HPSE2: variants seen among roughly 807,000 people sequenced by gnomAD.
HPSE2 encodes the protein inactive heparanase-2.
HPSE2 carries 38 observed loss-of-function variants against 60.5 expected under a neutral mutation model. That is an observed-to-expected ratio of 0.63 (90% confidence interval 0.48 to 0.82). The LOEUF (loss-of-function observed/expected upper bound fraction) is 0.82, where lower values mean the gene tolerates loss of function less well. Among genes scored for constraint, HPSE2 ranks in the 40% least tolerant of loss-of-function variants. The pLI, the probability that HPSE2 is intolerant of heterozygous loss-of-function variation, is 0.00. For missense variants in HPSE2, 713 were observed against 740.4 expected, an observed-to-expected ratio of 0.96 and a Z score of 0.43; for synonymous variants, 295 against 293.2, an observed-to-expected ratio of 1.01 and a Z score of -0.06.
intron 5 of HPSE2, among the ~76,000 whole-genome samples, chr10:98,698,278 A>G (rs1296387312): frequency 2.8e-5 from 2 of 71,406 alleles, no homozygotes; most frequent in Non-Finnish European, 7.8e-5. Context: ...ATCAGAAATT[A>G]TAACAAACTG....
At chr10:98,716,099 G>C (rs768169651) in intron 5 of HPSE2, among the ~76,000 whole-genome samples, 1 of 152,014 alleles carries the variant, frequency 6.6e-6, no homozygotes, top group Non-Finnish European at 1.5e-5. Context: ...TTCATCAGGA[G>C]TAGATTCCAT....
intron 9 of HPSE2, among the ~76,000 whole-genome samples, chr10:98,537,331 T>C (rs531907686): frequency 1.3e-5 from 2 of 152,262 alleles, no homozygotes; most frequent in South Asian, 2.1e-4. Flanking sequence ...TCAAGACATA[T>C]GTATTTGTGA....
chr10:99,059,383 T>C (rs1252038602), intron 3 of HPSE2, among the ~76,000 whole-genome samples: 1 of 152,228 alleles, frequency 6.6e-6, no homozygotes, highest in Non-Finnish European at 1.5e-5. Flanking sequence ...AATATATATC[T>C]GAAATAAATT....
At chr10:98,490,849 T>C (rs956185392) in intron 9 of HPSE2, among the ~76,000 whole-genome samples, 1 of 152,252 alleles carries the variant, frequency 6.6e-6, no homozygotes, top group Admixed American at 6.5e-5. Context: ...GCTTTAATCA[T>C]TCCATGTGTA....
At chr10:98,819,903 G>A (rs951482448) in intron 3 of HPSE2, among the ~76,000 whole-genome samples, 1 of 152,100 alleles carries the variant, frequency 6.6e-6, no homozygotes, top group Admixed American at 6.6e-5. Context: ...TCATGGACAT[G>A]GATGGAGATT....
chr10:98,878,058 G>T (rs972965962), intron 3 of HPSE2, among the ~76,000 whole-genome samples: 8 of 151,818 alleles, frequency 5.3e-5, no homozygotes, highest in South Asian at 2.1e-4. Flanking sequence ...TTCCAGCTGA[G>T]ATAGAATTAC....
At chr10:98,536,171 T>C (rs1943277448) in intron 9 of HPSE2, among the ~76,000 whole-genome samples, 1 of 152,188 alleles carries the variant, frequency 6.6e-6, no homozygotes, top group Non-Finnish European at 1.5e-5. Context: ...TTTATACCCA[T>C]CAACCTCAGC....
chr10:98,804,776 G>T (rs1260873063), intron 3 of HPSE2, among the ~76,000 whole-genome samples: 2 of 152,144 alleles, frequency 1.3e-5, no homozygotes, highest in Non-Finnish European at 2.9e-5. Context: ...CAATCCCATT[G>T]CTGGGTATAT....
At chr10:99,101,528 A>G (rs562068381) in intron 3 of HPSE2, among the ~76,000 whole-genome samples, 1 of 152,344 alleles carries the variant, frequency 6.6e-6, no homozygotes, top group East Asian at 1.9e-4. Context: ...AGACTCCCAC[A>G]CAATAATAAT....
intron 3 of HPSE2, among the ~76,000 whole-genome samples, chr10:99,026,675 T>C (rs1232494124): frequency 6.6e-6 from 1 of 152,164 alleles, no homozygotes; most frequent in African/African-American, 2.4e-5. Context: ...TACGCATTAT[T>C]TTCCTCAGCA....
the HPSE2 span, among the ~76,000 whole-genome samples, chr10:99,304,759 G>C: frequency 6.6e-6 from 1 of 152,220 alleles, no homozygotes; most frequent in Non-Finnish European, 1.5e-5. Flanking sequence ...TTGGCTAGTG[G>C]CTGAGATCTG....
At chr10:99,223,764 G>C (rs1422772916) in intron 2 of HPSE2, among the ~76,000 whole-genome samples, 3 of 152,014 alleles carry the variant, frequency 2.0e-5, no homozygotes, top group African/African-American at 7.2e-5. Flanking sequence ...AAGTCAGTCT[G>C]GGTACTTGGA....
At chr10:98,473,484 CAAAAAAA>C (rs752065277) in intron 11 of HPSE2, among the ~76,000 whole-genome samples, 659 of 44,290 alleles carry the variant, frequency 0.015, 8 homozygotes, top group African/African-American at 0.069. Context: ...GACTCTGTCT[CAAAAAAA>C]AAAAAAAAAA....
At chr10:99,097,225 GACAGTTC>G (rs199880176) in intron 3 of HPSE2, among the ~76,000 whole-genome samples, 2,003 of 152,260 alleles carry the variant, frequency 0.013, 18 homozygotes, top group Non-Finnish European at 0.022. Context: ...AGGGGACAGA[GACAGTTC>G]ACTGCCCTTA....
chr10:98,477,509 A>G (rs1017413327), intron 11 of HPSE2, among the ~76,000 whole-genome samples: 4 of 152,214 alleles, frequency 2.6e-5, no homozygotes, highest in Non-Finnish European at 5.9e-5. Context: ...AATGTGATGA[A>G]AGTTGCTTCC....
the HPSE2 span, among the ~76,000 whole-genome samples, chr10:99,300,553 C>T: frequency 6.6e-6 from 1 of 152,250 alleles, no homozygotes; most frequent in East Asian, 1.9e-4. Context: ...CCCACAGGTT[C>T]TTCCTCATGC....
chr10:99,074,202 T>C (rs1038030319), intron 3 of HPSE2, among the ~76,000 whole-genome samples: 1 of 152,176 alleles, frequency 6.6e-6, no homozygotes, highest in African/African-American at 2.4e-5. Context: ...TTTTCATATA[T>C]GGCCATTATG....
intron 9 of HPSE2, among the ~76,000 whole-genome samples, chr10:98,600,926 T>TATATA (rs1945402144): frequency 1.9e-5 from 2 of 107,900 alleles, no homozygotes; most frequent in South Asian, 3.2e-4. Context: ...TATATATATA[T>TATATA]ATATATATAT....
intron 3 of HPSE2, among the ~76,000 whole-genome samples, chr10:98,761,385 CT>C (rs1950001250): frequency 6.6e-6 from 1 of 152,078 alleles, no homozygotes; most frequent in African/African-American, 2.4e-5. Context: ...ATTTCATTTA[CT>C]TCTGTTCTCG....
Sources: gnomAD v4.1 joint callset for allele counts (sites outside exome capture counted in the v4.1 genomes callset) on GRCh38, gnomAD v4.1.1 for gene constraint, MANE v1.5 for transcripts, NCBI Gene and HGNC (gene_info 2026-07-23, HGNC 2026-07-21) for gene names.